PSD3: variants seen among roughly 807,000 people sequenced by gnomAD.
PSD3 encodes PH and SEC7 domain-containing protein 3.
A neutral mutation model predicts 105.5 loss-of-function variants in PSD3; 49 were observed. The observed-to-expected ratio is 0.46, with a 90% CI of 0.37 to 0.59. The LOEUF is 0.59. Ranked by LOEUF, PSD3 falls within the 20% of genes least tolerant of loss-of-function variation. The pLI is 0.00. For synonymous variants in PSD3, 557 were observed against 457.8 expected (o/e 1.22, Z -2.77); for missense variants, 1,561 against 1,263.8 (o/e 1.24, Z -3.57).
chr8:18,684,152 G>A, intron 9 of PSD3: 1 of 432,152 alleles, frequency 2.3e-6, no homozygotes, highest in East Asian at 3.9e-5. Flanking sequence ...TCACGTCACT[G>A]GCTGCAAAGA....
In PSD3 at chr8:18,872,134, G is replaced by T. The variant is rs1817406681; in HGVS notation, c.730C>A (p.Gln244Lys). 1 of 1,614,018 alleles carries T rather than the reference G, an allele frequency of 6.2e-7. No homozygotes were observed. The highest frequency in any genetic ancestry group is 8.5e-7 in the Non-Finnish European group (1 of 1,180,006). ...GAGGCCAAAGGACAAGATGGCTCCTGCACACAGACAGCCCCTTTCCTCCCA... is the reference window on the plus strand; with the variant it reads ...GAGGCCAAAGGACAAGATGGCTCCTTCACACAGACAGCCCCTTTCCTCCCA... ...NNGRKGAVCV[Q>K]EPSCPLASLG... is the part of the protein sequence containing the mutation. The change falls in exon 3 of 16, where the codon CAG becomes AAG. Residue 244 changes from glutamine to lysine, a missense_variant. By Grantham distance (53) the Gln-to-Lys change is moderately conservative (BLOSUM62 1). Transcript: ENST00000327040.
At chr8:18,640,771 C>T (rs894406286) in intron 10 of PSD3, among the ~76,000 whole-genome samples, 21 of 152,188 alleles carry the variant, frequency 1.4e-4, no homozygotes, top group Non-Finnish European at 5.9e-5. Flanking sequence ...TCTTTCCTCT[C>T]TATTTAGGAA....
intron 9 of PSD3, among the ~76,000 whole-genome samples, chr8:18,719,133 T>C (rs1209416436): frequency 6.6e-5 from 10 of 152,214 alleles, no homozygotes. Context: ...CGCAGCCTGC[T>C]TCAGAAGCGC....
At chr8:18,740,220 G>T (rs865883487) in intron 9 of PSD3, among the ~76,000 whole-genome samples, 1 of 152,114 alleles carries the variant, frequency 6.6e-6, no homozygotes, top group African/African-American at 2.4e-5. Context: ...ACGCTGACAC[G>T]GGTTCCACAG....
chr8:19,003,281 G>A (rs555269738), intron 1 of PSD3, among the ~76,000 whole-genome samples: 24 of 152,028 alleles, frequency 1.6e-4, no homozygotes, highest in Non-Finnish European at 3.1e-4. Flanking sequence ...TGAGGGAGGA[G>A]GATTGTTTGA....
At chr8:19,056,310 A>G (rs1828708430) in intron 1 of PSD3, among the ~76,000 whole-genome samples, 1 of 152,210 alleles carries the variant, frequency 6.6e-6, no homozygotes, top group African/African-American at 2.4e-5. Flanking sequence ...AACATAATTG[A>G]TCGAGCCAGT....
At chr8:18,793,154 A>G (rs1809883910) in intron 8 of PSD3, among the ~76,000 whole-genome samples, 1 of 152,048 alleles carries the variant, frequency 6.6e-6, no homozygotes, top group Admixed American at 6.6e-5. Flanking sequence ...GGTGGGGAAC[A>G]TTGCACACCC....
At chr8:19,001,628 C>T (rs555126479) in intron 1 of PSD3, 2 of 152,032 alleles carry the variant, frequency 1.3e-5, no homozygotes, top group South Asian at 2.1e-4. Flanking sequence ...GATTTGTACC[C>T]GAAGCATCGA....
At chr8:19,044,859 C>T (rs960362002) in intron 1 of PSD3, among the ~76,000 whole-genome samples, 4 of 152,120 alleles carry the variant, frequency 2.6e-5, no homozygotes, top group Admixed American at 1.3e-4. Flanking sequence ...TAAGCATGTT[C>T]CAAGGTGGGA....
At chr8:18,626,839 C>G (rs139356626) in intron 11 of PSD3, among the ~76,000 whole-genome samples, 2 of 152,044 alleles carry the variant, frequency 1.3e-5, no homozygotes, top group East Asian at 3.8e-4. Context: ...GGGAAGGAAA[C>G]GAAAGCTTTT....
intron 9 of PSD3, among the ~76,000 whole-genome samples, chr8:18,685,767 C>T (rs1487765): frequency 0.1 from 15,641 of 152,038 alleles, 1,740 homozygotes; most frequent in African/African-American, 0.25. Context: ...AAGCAGACGA[C>T]GAGTCTACAG....
chr8:18,658,994 C>T (rs1809108959), intron 9 of PSD3, among the ~76,000 whole-genome samples: 1 of 152,116 alleles, frequency 6.6e-6, no homozygotes, highest in South Asian at 2.1e-4. Flanking sequence ...GTTATTTCTC[C>T]CAGCTCCAGT....
intron 9 of PSD3, among the ~76,000 whole-genome samples, chr8:18,696,680 G>A (rs770272137): frequency 2.0e-5 from 3 of 152,124 alleles, no homozygotes; most frequent in Non-Finnish European, 4.4e-5. Flanking sequence ...TTCCTAGCTT[G>A]TGAATACAAA....
Position 18,556,272 on chromosome 8 carries a change from G to T in PSD3, c.2865C>A (p.Asp955Glu), listed in dbSNP as rs1315708748. The T allele has an allele frequency of 6.2e-7, 1 of 1,613,926 alleles. No individual in the cohort carries two copies. Among genetic ancestry groups the T allele is most frequent in the Non-Finnish European group, 8.5e-7 (1 of 1,180,000 alleles). The change falls in exon 15 of 16, where the codon GAC becomes GAA. Residue 955 changes from aspartate to glutamate, a missense_variant. Asp to Glu is a conservative substitution (Grantham distance 45). Coordinates refer to ENST00000327040, the MANE Select transcript of PSD3 (RefSeq NM_015310.4). ...CGACGTCCTTGGCTTTGACCTTCTT[G>T]TCGGGGGGATATGAGCGGTGCTCGG... The part of the protein sequence containing the change: ...ELAEHRSYPP[D>E]KKVKAKDVDE...
chr8:18,536,472 A>G (rs1421834734), intron 15 of PSD3, among the ~76,000 whole-genome samples: 1 of 152,238 alleles, frequency 6.6e-6, no homozygotes, highest in Non-Finnish European at 1.5e-5. Context: ...TCTCCTGGAC[A>G]GTCAGTCCCC....
chr8:18,871,502 C>T (rs1319118664), intron 3 of PSD3, 124 bp downstream of exon 3: 1 of 1,281,262 alleles, frequency 7.8e-7, no homozygotes, highest in Non-Finnish European at 1.1e-6. Context: ...AGTAACTCAT[C>T]TTATATTCCA....
rs572810542 is a variant in PSD3, at chr8:19,072,916, G to A, written c.324+11290C>T. 2.4e-4 allele frequency among the ~76,000 whole-genome samples: 37 copies of A among 152,286 alleles called. No individual in the cohort carries two copies. In the South Asian group the frequency reaches 7.0e-3, roughly 29 times the overall value. On this transcript the variant is annotated intron_variant, in intron 1 of 1. Transcript: ENST00000521475. ...GAAAATGCATGAATACTTTTGTACCGTTGAAATTTCCTGACCCTTGGCCCA... is the reference window on the plus strand; with the variant it reads ...GAAAATGCATGAATACTTTTGTACCATTGAAATTTCCTGACCCTTGGCCCA...
intron 15 of PSD3, among the ~76,000 whole-genome samples, chr8:18,545,352 G>C (rs1044370551): frequency 6.6e-6 from 1 of 152,108 alleles, no homozygotes; most frequent in African/African-American, 2.4e-5. Flanking sequence ...GGCTCTGGCT[G>C]TTTCCAAAGG....
chr8:18,539,945 T>C (rs930619560), intron 15 of PSD3, among the ~76,000 whole-genome samples: 4 of 152,168 alleles, frequency 2.6e-5, no homozygotes, highest in Non-Finnish European at 5.9e-5. Flanking sequence ...TCATCAATCA[T>C]ATTGCGGCAG....
Sources: gnomAD v4.1 joint callset for allele counts (sites outside exome capture counted in the v4.1 genomes callset) on GRCh38, gnomAD v4.1.1 for gene constraint, MANE v1.5 for transcripts, NCBI Gene and HGNC (gene_info 2026-07-23, HGNC 2026-07-21) for gene names.